PARP4: variants seen among roughly 807,000 people sequenced by gnomAD.
PARP4 encodes poly(ADP-ribose) polymerase family member 4.
Under a neutral mutation model 187.7 loss-of-function variants are expected in PARP4, and 120 were observed. The ratio of observed to expected loss-of-function variants is 0.64; its 90% CI spans 0.55 to 0.74. The LOEUF is 0.74. Among genes scored for constraint, PARP4 ranks in the 30% least tolerant of loss-of-function variants. The pLI is 0.00. For synonymous variants in PARP4, 654 were observed against 740.9 expected (o/e 0.88, Z 1.90); for missense variants, 1,836 against 2,070.5 (o/e 0.89, Z 2.20).
chr13:24,439,740 A>C (rs1870822454), intron 30 of PARP4, among the ~76,000 whole-genome samples: 2 of 152,340 alleles, frequency 1.3e-5, no homozygotes, highest in South Asian at 2.1e-4. Flanking sequence ...AGTAAGTCTC[A>C]AGGACAAACA....
intron 6 of PARP4, among the ~76,000 whole-genome samples, chr13:24,497,805 G>A (rs1054153658): frequency 6.6e-6 from 1 of 151,812 alleles, no homozygotes; most frequent in Non-Finnish European, 1.5e-5. Flanking sequence ...CATGTGTAGA[G>A]ATGAGGACAC....
chr13:24,426,021 T>C (rs1285025479), intron 33 of PARP4, among the ~76,000 whole-genome samples: 3 of 152,184 alleles, frequency 2.0e-5, no homozygotes, highest in African/African-American at 7.2e-5. Flanking sequence ...AATCTAATAG[T>C]TTGCTAGTTT....
At chr13:24,452,734 A>C in intron 23 of PARP4, 141 bp from the exon 24 acceptor site, 1 of 619,438 alleles carries the variant, frequency 1.6e-6, no homozygotes, top group Non-Finnish European at 2.8e-6. Flanking sequence ...GAAACAACTA[A>C]ACTTATGTCC....
intron 12 of PARP4, among the ~76,000 whole-genome samples, chr13:24,481,658 A>G (rs1873288509): frequency 6.6e-6 from 1 of 152,182 alleles, no homozygotes. Flanking sequence ...ACACCATTGC[A>G]CTCCAGCCTG....
chr13:24,490,377 C>T (rs1224425945), intron 10 of PARP4, among the ~76,000 whole-genome samples: 1 of 152,140 alleles, frequency 6.6e-6, no homozygotes, highest in South Asian at 2.1e-4. Context: ...GGCTTTTTCT[C>T]TGTAATAACC....
At position 24,456,477 on chromosome 13, in the gene PARP4, C is replaced by A. The variant is rs139822298; in HGVS notation, c.2426G>T (p.Arg809Leu). 1,169 of 1,586,994 alleles carry A rather than the reference C, an allele frequency of 7.4e-4. 3 individuals are homozygous for A. The highest frequency in any genetic ancestry group is 4.4e-3 in the Middle Eastern group (24 of 5,502). The change falls in exon 21 of 34, where the codon CGC (arginine) becomes CTC (leucine). Residue 809 changes from arginine to leucine, a missense_variant and splice_region_variant. Physicochemically the swap from Arg to Leu is moderately radical, Grantham distance 102. Coordinates refer to ENST00000381989, the MANE Select transcript of PARP4 (RefSeq NM_006437.4). ...FSDTHELKQK[R>L]TDCKAVISTM... ...GCTAATGACAGCTTTGCAGTCTGTG[C>A]GCTGCAAAACAAACACCGCGACAAC...
rs984294134 is a variant in PARP4 at position 24,504,973 on chromosome 13, G to A, written c.-1-1196C>T. On this transcript the variant is annotated intron_variant, in intron 1 of 33. Transcript: ENST00000381989. ...GCCTCCCAAAATTGTGGGATTACAGGCATGAGCCACCGCACCTGGCACACC... is the reference window on the plus strand; with the variant it reads ...GCCTCCCAAAATTGTGGGATTACAGACATGAGCCACCGCACCTGGCACACC... Among the ~76,000 whole-genome samples the A allele has an allele frequency of 4.7e-5, 7 of 149,428 alleles. No individual in the cohort carries two copies. In the East Asian group the frequency reaches 5.9e-4, roughly 13 times the overall value.
chr13:24,470,804 G>A (rs1472534711), intron 15 of PARP4, among the ~76,000 whole-genome samples: 6 of 152,146 alleles, frequency 3.9e-5, no homozygotes, highest in Non-Finnish European at 5.9e-5. Context: ...TGGATTTGCT[G>A]CAAGCTTGGC....
intron 21 of PARP4, 148 bp from the exon 22 acceptor site, chr13:24,455,360 A>C: frequency 4.1e-6 from 2 of 488,386 alleles, no homozygotes; most frequent in East Asian, 6.4e-5. Context: ...AAGATGGCCT[A>C]CTAGGAGTTC....
At chr13:24,496,725 G>A (rs1327910233) in intron 6 of PARP4, among the ~76,000 whole-genome samples, 1 of 152,142 alleles carries the variant, frequency 6.6e-6, no homozygotes, top group Non-Finnish European at 1.5e-5. Context: ...CTGTTTCCTG[G>A]CCCAAGACAG....
chr13:24,510,644 T>C (rs955259842), intron 1 of PARP4, among the ~76,000 whole-genome samples: 5 of 152,134 alleles, frequency 3.3e-5, no homozygotes, highest in South Asian at 2.1e-4. Flanking sequence ...TCTGTCATAG[T>C]TTCCCTAGAG....
At chr13:24,444,610 G>A (rs572766288) in intron 27 of PARP4, among the ~76,000 whole-genome samples, 1 of 152,140 alleles carries the variant, frequency 6.6e-6, no homozygotes, top group African/African-American at 2.4e-5. Context: ...AAACTACAGT[G>A]GATTCAGTAC....
At chr13:24,463,630 A>G (rs777667450) in intron 17 of PARP4, among the ~76,000 whole-genome samples, 26 of 152,208 alleles carry the variant, frequency 1.7e-4, no homozygotes, top group Non-Finnish European at 3.1e-4. Context: ...TAAACTAGTT[A>G]TTGATGGAAC....
At position 24,490,525 on chromosome 13, in the gene PARP4, G is replaced by A. The variant is rs1868580248; in HGVS notation, c.1214+143C>T. 8.8e-6 allele frequency: 6 copies of A among 681,564 alleles called. No individual in the cohort carries two copies. The Middle Eastern group carries it at 2.0e-3, about 223-fold the overall frequency. 42.2% of individuals were successfully genotyped at this position (681,564 alleles called of 1,614,324 possible). A position where few individuals can be genotyped will look rare whatever the true frequency, so the allele number is the denominator to read the frequency against. On this transcript the variant is annotated intron_variant, in intron 10 of 33. Coordinates refer to ENST00000381989, the MANE Select transcript of PARP4 (RefSeq NM_006437.4). ...TGCCCCAGGCACCGTTCTGAACAGA[G>A]AAGAAAGTAATGTGTCATCACACCA...
chr13:24,471,359 G>T (rs1320416185), intron 15 of PARP4, among the ~76,000 whole-genome samples: 1 of 152,196 alleles, frequency 6.6e-6, no homozygotes, highest in Non-Finnish European at 1.5e-5. Flanking sequence ...CATCAGGCCT[G>T]TGGCAGCTGC....
At chr13:24,442,796 C>G in intron 28 of PARP4, 111 bp from the exon 29 acceptor site, 2 of 613,090 alleles carry the variant, frequency 3.3e-6, no homozygotes, top group Non-Finnish European at 6.0e-6. Context: ...CAGGTCCCAT[C>G]TAAATCGGTG....
intron 1 of PARP4, among the ~76,000 whole-genome samples, chr13:24,511,618 C>T (rs564614165): frequency 2.1e-4 from 32 of 152,320 alleles, no homozygotes; most frequent in African/African-American, 7.5e-4. Flanking sequence ...TTCGTCTTTA[C>T]CACTGGCATT....
chr13:24,496,820 C>T (rs1474737370), intron 6 of PARP4, among the ~76,000 whole-genome samples: 4 of 152,066 alleles, frequency 2.6e-5, no homozygotes, highest in Non-Finnish European at 5.9e-5. Flanking sequence ...GTCAGGAGTT[C>T]GAGACCAGCC....
chr13:24,484,080 T>G (rs1409606623), intron 12 of PARP4, among the ~76,000 whole-genome samples: 1 of 152,236 alleles, frequency 6.6e-6, no homozygotes, highest in East Asian at 1.9e-4. Context: ...CTCCATCCTT[T>G]AATTAGCTCT....
Sources: gnomAD v4.1 joint callset for allele counts (sites outside exome capture counted in the v4.1 genomes callset) on GRCh38, gnomAD v4.1.1 for gene constraint, MANE v1.5 for transcripts, NCBI Gene and HGNC (gene_info 2026-07-23, HGNC 2026-07-21) for gene names.